Variants in DNAJC1 observed in about 807,000 individuals in gnomAD.
The protein encoded by DNAJC1 is DnaJ heat shock protein family (Hsp40) member C1, also known as dnaJ homolog subfamily C member 1.
DNAJC1 carries 58 observed loss-of-function variants against 76.6 expected under a neutral mutation model. That is an observed-to-expected ratio of 0.76 (90% CI 0.61 to 0.94). The LOEUF (loss-of-function observed/expected upper bound fraction) is 0.94, where lower values mean the gene tolerates loss of function less well. Ranked by LOEUF, DNAJC1 falls within the 40% of genes least tolerant of loss-of-function variation. The pLI is 0.00. For synonymous variants in DNAJC1, 258 were observed against 267.9 expected, an observed-to-expected ratio of 0.96 and a Z score of 0.36; for missense variants, 689 against 677.3, an observed-to-expected ratio of 1.02 and a Z score of -0.19.
intron 1 of DNAJC1, among the ~76,000 whole-genome samples, chr10:21,935,122 G>A (rs1837289795): frequency 6.6e-6 from 1 of 151,950 alleles, no homozygotes; most frequent in African/African-American, 2.4e-5. Flanking sequence ...ATGGTCTTCA[G>A]AGAAAAAAAA....
chr10:21,896,325 C>T (rs916500682), intron 7 of DNAJC1, among the ~76,000 whole-genome samples: 8 of 152,206 alleles, frequency 5.3e-5, no homozygotes, highest in African/African-American at 1.9e-4. Flanking sequence ...GGGACCCAAC[C>T]TCTACTCTCC....
chr10:21,821,144 C>G (rs951202403), intron 8 of DNAJC1, among the ~76,000 whole-genome samples: 5 of 152,136 alleles, frequency 3.3e-5, no homozygotes, highest in African/African-American at 4.8e-5. Flanking sequence ...GGGGCAAAAC[C>G]TTCTCTGGAA....
chr10:21,999,746 C>T (rs922461106), intron 1 of DNAJC1, among the ~76,000 whole-genome samples: 3 of 152,194 alleles, frequency 2.0e-5, no homozygotes, highest in African/African-American at 7.2e-5. Flanking sequence ...AGCCACCACA[C>T]CCGGCTCCTT....
At chr10:21,848,486 T>C (rs1025381448) in intron 8 of DNAJC1, among the ~76,000 whole-genome samples, 3 of 152,234 alleles carry the variant, frequency 2.0e-5, no homozygotes, top group African/African-American at 7.2e-5. Flanking sequence ...TTCTGTGCTT[T>C]TGAGGTCTTA....
chr10:21,946,199 C>T (rs1280449743), intron 1 of DNAJC1, among the ~76,000 whole-genome samples: 1 of 151,596 alleles, frequency 6.6e-6, no homozygotes, highest in South Asian at 2.1e-4. Flanking sequence ...TGCCACCACG[C>T]CCAACTAAAT....
At chr10:21,893,751 T>G (rs1410163523) in intron 7 of DNAJC1, among the ~76,000 whole-genome samples, 1 of 151,560 alleles carries the variant, frequency 6.6e-6, no homozygotes, top group Non-Finnish European at 1.5e-5. Context: ...TAATCTAAAC[T>G]TCCATGTCAA....
Position 21,938,767 on chromosome 10 carries a change from T to C in DNAJC1, c.223-9626A>G, listed in dbSNP as rs557665748. 3.3e-5 allele frequency among the ~76,000 whole-genome samples: 5 copies of C among 152,378 alleles called. 1 individual carries two copies. In the South Asian group the frequency reaches 1.0e-3, roughly 32 times the overall value. On this transcript the variant is annotated intron_variant, in intron 1 of 11. Transcript: ENST00000376980. The stretch of plus-strand genomic sequence containing the variant: ...TTATACAGTGTCTCCACAAATGTGA[T>C]ACCCACATTTTTAGGTGTGCCAGGT...
At chr10:21,765,910 G>C (rs1269308778) in intron 10 of DNAJC1, among the ~76,000 whole-genome samples, 8 of 152,246 alleles carry the variant, frequency 5.3e-5, no homozygotes, top group African/African-American at 1.9e-4. Flanking sequence ...AGCTCTGCAA[G>C]TGCGGCAGTG....
At chr10:21,810,069 T>C (rs1011325307) in intron 8 of DNAJC1, among the ~76,000 whole-genome samples, 2 of 151,992 alleles carry the variant, frequency 1.3e-5, no homozygotes, top group African/African-American at 4.8e-5. Context: ...GCCTTAATTA[T>C]CTCCTTACAG....
In DNAJC1 at chr10:22,003,356, G is replaced by T; in HGVS notation, c.79C>A (p.Pro27Thr). The T allele has an allele frequency of 1.4e-6, 2 of 1,414,380 alleles. No homozygotes were observed. Among genetic ancestry groups the T allele is most frequent in the Non-Finnish European group, 1.8e-6 (2 of 1,087,952 alleles). The allele number at this position is 1,414,380 out of a possible 1,614,324, so 87.6% of individuals were successfully genotyped here. The change falls in exon 1 of 12, where the codon CCG becomes ACG. Residue 27 changes from proline to threonine, a missense_variant. Coordinates refer to ENST00000376980, the MANE Select transcript of DNAJC1 (RefSeq NM_022365.4). ...LGLVPFPPPP[P>T]RTPLLWLLLL... ...AGCAGCCACAGCAGCGGCGTCCGCG[G>T]CGGCGGCGGCGGGAACGGCACCAGC...
chr10:21,758,400 T>A (rs961315023), intron 11 of DNAJC1, among the ~76,000 whole-genome samples: 11 of 152,210 alleles, frequency 7.2e-5, no homozygotes, highest in Non-Finnish European at 1.2e-4. Flanking sequence ...CAGCGCCTCA[T>A]GGCCAGATCA....
chr10:21,782,641 A>C (rs1268741334), intron 9 of DNAJC1, among the ~76,000 whole-genome samples: 3 of 152,212 alleles, frequency 2.0e-5, no homozygotes, highest in South Asian at 2.1e-4. Flanking sequence ...ACATCGATGC[A>C]AAAATCCTCA....
chr10:21,909,227 A>G (rs1836813220), intron 6 of DNAJC1, among the ~76,000 whole-genome samples: 1 of 152,238 alleles, frequency 6.6e-6, no homozygotes, highest in South Asian at 2.1e-4. Flanking sequence ...ACCTGCCTTC[A>G]TAGACATCAA....
chr10:21,841,237 A>C (rs1188894561), intron 8 of DNAJC1, among the ~76,000 whole-genome samples: 1 of 152,230 alleles, frequency 6.6e-6, no homozygotes, highest in Non-Finnish European at 1.5e-5. Flanking sequence ...TGGCAACAAA[A>C]GGCAAAATTG....
chr10:21,813,220 C>CTCTCTCTATA (rs1438462566), intron 8 of DNAJC1, among the ~76,000 whole-genome samples: 2 of 19,086 alleles, frequency 1.0e-4, no homozygotes, highest in Non-Finnish European at 1.7e-4. Flanking sequence ...CTCTCTCTCT[C>CTCTCTCTATA]TATATATATA....
At chr10:21,828,595 C>T (rs1835302830) in intron 8 of DNAJC1, among the ~76,000 whole-genome samples, 1 of 152,164 alleles carries the variant, frequency 6.6e-6, no homozygotes, top group African/African-American at 2.4e-5. Context: ...GAACCAATAA[C>T]ATAATAAATC....
chr10:21,860,075 G>C (rs750979683), intron 8 of DNAJC1, among the ~76,000 whole-genome samples: 23 of 151,490 alleles, frequency 1.5e-4, no homozygotes, highest in Non-Finnish European at 2.9e-4. Flanking sequence ...GAGCTACCGT[G>C]CCCGGCCAGA....
rs371687906 is a variant in DNAJC1, at chr10:21,806,067, T to C, written c.1011A>G (p.Gln337=). ...GGAACTTAACCATACTTCTTGTCAG[T>C]TGGCTGAGGTCCTCTTCTGTCCATT... ...APEWTEEDLS[Q]LTRSMVKFPG... The change falls in exon 9 of 12, where the codon CAA becomes CAG. Residue 337 remains glutamine (Q), a synonymous_variant. Transcript: ENST00000376980. 167 of 1,612,142 alleles carry C rather than the reference T, an allele frequency of 1.0e-4. No homozygotes were observed. Among genetic ancestry groups the C allele is most frequent in the Non-Finnish European group, 1.3e-4 (157 of 1,179,662 alleles).
At chr10:21,857,302 CA>C (rs2131695006) in intron 8 of DNAJC1, among the ~76,000 whole-genome samples, 1 of 152,198 alleles carries the variant, frequency 6.6e-6, no homozygotes, top group Non-Finnish European at 1.5e-5. Context: ...CCCTTTTAAA[CA>C]GGAACAGAAA....
Sources: gnomAD v4.1 joint callset for allele counts (sites outside exome capture counted in the v4.1 genomes callset) on GRCh38, gnomAD v4.1.1 for gene constraint, MANE v1.5 for transcripts, NCBI Gene and HGNC (gene_info 2026-07-23, HGNC 2026-07-21) for gene names.